Variants in CCND2 observed in about 807,000 individuals in gnomAD.
CCND2 encodes G1/S-specific cyclin-D2.
In CCND2, 6 loss-of-function variants were observed where a neutral mutation model predicts 30.2. That is an observed-to-expected ratio of 0.20 (90% CI 0.11 to 0.39). CCND2 has a LOEUF of 0.39. Ranked by LOEUF, CCND2 falls within the 10% of genes least tolerant of loss-of-function variation. The pLI, the probability that CCND2 is intolerant of heterozygous loss-of-function variation, is 1.00. For synonymous variants in CCND2, 150 were observed against 153.1 expected, an observed-to-expected ratio of 0.98 and a Z score of 0.15; for missense variants, 235 against 373.4, an observed-to-expected ratio of 0.63 and a Z score of 3.06.
At position 4,274,589 on chromosome 12, in the gene CCND2, G is replaced by C. The variant is rs1489488652; in HGVS notation, c.195+354G>C. Among the ~76,000 whole-genome samples the C allele has an allele frequency of 6.6e-6, 1 of 152,144 alleles. No homozygotes were observed. The highest frequency in any genetic ancestry group is 1.5e-5 in the Non-Finnish European group (1 of 68,020). On this transcript the variant is annotated intron_variant, in intron 1 of 4. Coordinates refer to ENST00000261254, the MANE Select transcript of CCND2 (RefSeq NM_001759.4). The surrounding 1 kb of genome is among the most constrained non-coding windows in gnomAD (Gnocchi z 7.7). ...TGCTTGCGCTGCGGCCAGGAAGAGAGTCGGGGCCTGAAATCGGGACCCCGA... is the reference window on the plus strand; with the variant it reads ...TGCTTGCGCTGCGGCCAGGAAGAGACTCGGGGCCTGAAATCGGGACCCCGA...
rs1387788807 is a variant in CCND2 at position 4,274,273 on chromosome 12, C to T, written c.195+38C>T. 7.5e-6 allele frequency: 12 copies of T among 1,598,972 alleles called. No homozygotes were observed. In the Middle Eastern group the frequency reaches 5.5e-4, roughly 73 times the overall value. On this transcript the variant is annotated intron_variant, in intron 1 of 4. Transcript: ENST00000261254. This position sits in a 1 kb window ranked among gnomAD's most constrained non-coding sequence, Gnocchi z 7.7. ...GTGGCGCTCGCCAGGAGCCAGGACC[C>T]CTCCGGATGCTCGGGTCCCCGGCCG...
intron 3 of CCND2, among the ~76,000 whole-genome samples, chr12:4,284,295 A>G (rs1168218610): frequency 1.3e-5 from 2 of 152,238 alleles, no homozygotes; most frequent in Non-Finnish European, 2.9e-5. Flanking sequence ...TTATTTGCAG[A>G]TCAGAAAATG....
rs1863875133 is a variant in CCND2, at chr12:4,276,400, G to A, written c.411+180G>A. ...TAGGAAACCACTGTTTATTTTTTGT[G>A]TGTTCCTACTATGTGCCCAGGCTCC... On this transcript the variant is annotated intron_variant, in intron 2 of 4. Coordinates refer to ENST00000261254, the MANE Select transcript of CCND2 (RefSeq NM_001759.4). The surrounding 1 kb of genome is among the most constrained non-coding windows in gnomAD (Gnocchi z 4.8). 6.6e-6 allele frequency among the ~76,000 whole-genome samples: 1 copy of A among 152,176 alleles called. No homozygotes were observed. Among genetic ancestry groups the A allele is most frequent in the African/African-American group, 2.4e-5 (1 of 41,442 alleles).
chr12:4,289,753 T>C (rs886455109), intron 4 of CCND2, among the ~76,000 whole-genome samples: 2 of 151,888 alleles, frequency 1.3e-5, no homozygotes, highest in African/African-American at 2.4e-5. Flanking sequence ...GACAGGATGG[T>C]GCCAAGAGGT....
Position 4,292,185 on chromosome 12 carries a change from A to ATATG in CCND2, c.720+3209_720+3212dup, listed in dbSNP as rs1290018544. Among the ~76,000 whole-genome samples, 10 of 152,198 alleles carry ATATG rather than the reference A, an allele frequency of 6.6e-5. 1 individual carries two copies. The South Asian group carries it at 8.3e-4, about 13-fold the overall frequency. On this transcript the variant is annotated intron_variant, in intron 4 of 4. Coordinates refer to ENST00000261254, the MANE Select transcript of CCND2 (RefSeq NM_001759.4). ...CACACATACATAAATGGATATATATATATGTATGTATGTATGTCTGAAACA... is the reference window on the plus strand; with the variant it reads ...CACACATACATAAATGGATATATATATATGTATGTATGTATGTATGTCTGAAACA...
rs935857546 is a variant in CCND2, at chr12:4,301,859, T to C, written c.*1850T>C. The C allele has an allele frequency of 4.3e-6, 1 of 232,988 alleles. No homozygotes were observed. Among genetic ancestry groups the C allele is most frequent in the Middle Eastern group, 1.3e-3 (1 of 784 alleles). 14.4% of individuals were successfully genotyped at this position (232,988 alleles called of 1,614,324 possible). ...AAGTAGATGGTTGAGATATGAGTTC[T>C]TCGTACTGGAAAAGCCCTTCCGTAG... On this transcript the variant is annotated 3_prime_UTR_variant, in exon 5 of 5. Coordinates refer to ENST00000261254, the MANE Select transcript of CCND2 (RefSeq NM_001759.4).
At chr12:4,298,349 A>G (rs1319169078) in intron 4 of CCND2, among the ~76,000 whole-genome samples, 1 of 152,220 alleles carries the variant, frequency 6.6e-6, no homozygotes, top group Admixed American at 6.5e-5. Context: ...AGAGATAGGA[A>G]AGGAAAATTT....
rs933390489 is a variant in CCND2, at chr12:4,287,743, G to T, written c.572-1099G>T. Among the ~76,000 whole-genome samples the T allele has an allele frequency of 6.6e-6, 1 of 152,352 alleles. No homozygotes were observed. Among genetic ancestry groups the T allele is most frequent in the East Asian group, 1.9e-4 (1 of 5,190 alleles). On this transcript the variant is annotated intron_variant, in intron 3 of 4. Coordinates refer to ENST00000261254, the MANE Select transcript of CCND2 (RefSeq NM_001759.4). This position sits in a 1 kb window ranked among gnomAD's most constrained non-coding sequence, Gnocchi z 4.0. ...AACAGGACGTAATGTGTAGCGTACT[G>T]CATGTGGTGGTCATTGGTAGCTGTC... is the stretch of plus-strand genomic sequence containing the variant.
At chr12:4,297,431 C>A (rs1236585006) in intron 4 of CCND2, among the ~76,000 whole-genome samples, 8 of 151,756 alleles carry the variant, frequency 5.3e-5, no homozygotes, top group Non-Finnish European at 1.0e-4. Context: ...ATCAGCTGGG[C>A]GTGGTGGCAC....
intron 3 of CCND2, among the ~76,000 whole-genome samples, chr12:4,288,055 T>C (rs1420944867): frequency 6.6e-6 from 1 of 152,136 alleles, no homozygotes; most frequent in Non-Finnish European, 1.5e-5. Context: ...ACCCATCTGA[T>C]TCGGATGCAA....
In CCND2 at chr12:4,276,626, C is replaced by T. The variant is rs1863877897; in HGVS notation, c.411+406C>T. On this transcript the variant is annotated intron_variant, in intron 2 of 4. Coordinates refer to ENST00000261254, the MANE Select transcript of CCND2 (RefSeq NM_001759.4). This position sits in a 1 kb window ranked among gnomAD's most constrained non-coding sequence, Gnocchi z 4.8. ...CATGATAGGTATGTGGCTGTGGTGTCTCCTAAAAACTTGGAGTTCAAAGGT... is the reference window on the plus strand; with the variant it reads ...CATGATAGGTATGTGGCTGTGGTGTTTCCTAAAAACTTGGAGTTCAAAGGT... 6.6e-6 allele frequency among the ~76,000 whole-genome samples: 1 copy of T among 152,172 alleles called. No homozygotes were observed. Among genetic ancestry groups the T allele is most frequent in the East Asian group, 1.9e-4 (1 of 5,204 alleles).
chr12:4,274,761 G>A lies in CCND2; in HGVS notation c.195+526G>A, dbSNP rs1863841488. On this transcript the variant is annotated intron_variant, in intron 1 of 4. Coordinates refer to ENST00000261254, the MANE Select transcript of CCND2 (RefSeq NM_001759.4). The surrounding 1 kb of genome is among the most constrained non-coding windows in gnomAD (Gnocchi z 7.7). The stretch of plus-strand genomic sequence containing the variant: ...AGAAACGGGGAATTCGGGAGCCCCG[G>A]AAGTCCCATTGAAGAAACGCGTGTT... Among the ~76,000 whole-genome samples, 1 of 152,192 alleles carries A rather than the reference G, an allele frequency of 6.6e-6. No individual in the cohort carries two copies. Among genetic ancestry groups the A allele is most frequent in the Non-Finnish European group, 1.5e-5 (1 of 68,036 alleles).
At chr12:4,290,935 CA>C (rs1293427175) in intron 4 of CCND2, among the ~76,000 whole-genome samples, 1 of 152,176 alleles carries the variant, frequency 6.6e-6, no homozygotes, top group Non-Finnish European at 1.5e-5. Flanking sequence ...AACTGTTGGT[CA>C]AGTTGATACC....
In CCND2 at chr12:4,299,430, C is replaced by T. The variant is rs1189197861; in HGVS notation, c.721-430C>T. Among the ~76,000 whole-genome samples the T allele has an allele frequency of 6.6e-6, 1 of 152,166 alleles. No individual in the cohort carries two copies. Among genetic ancestry groups the T allele is most frequent in the African/African-American group, 2.4e-5 (1 of 41,442 alleles). On this transcript the variant is annotated intron_variant, in intron 4 of 4. Coordinates refer to ENST00000261254, the MANE Select transcript of CCND2 (RefSeq NM_001759.4). The surrounding 1 kb of genome is among the most constrained non-coding windows in gnomAD (Gnocchi z 5.2). The stretch of plus-strand genomic sequence containing the variant: ...TTATCTAGTTCTCGGGCTGAGTTTG[C>T]TAATGTCATAGCACTTCTAGTAGCC...
In CCND2 at chr12:4,284,603, G is replaced by T. The variant is rs555405072; in HGVS notation, c.572-4239G>T. On this transcript the variant is annotated intron_variant, in intron 3 of 4. Coordinates refer to ENST00000261254, the MANE Select transcript of CCND2 (RefSeq NM_001759.4). Reference sequence around the variant, plus strand: ...CAGGAGTGGAGGCTGCCCAAGCTCCGTGCACTCCACGTTCCAGCTTGGAGC... The same window carrying T: ...CAGGAGTGGAGGCTGCCCAAGCTCCTTGCACTCCACGTTCCAGCTTGGAGC... Among the ~76,000 whole-genome samples the T allele has an allele frequency of 2.0e-5, 3 of 152,240 alleles. No individual in the cohort carries two copies. In the South Asian group the frequency reaches 6.2e-4, roughly 32 times the overall value.
At position 4,282,410 on chromosome 12, in the gene CCND2, C is replaced by T. The variant is rs1863961638; in HGVS notation, c.571+3491C>T. ...ACCCATTGTGCTGTCCTAGCCCCTT[C>T]CCTGGCTTTACCTACAGGTGTTCCC... On this transcript the variant is annotated intron_variant, in intron 3 of 4. Transcript: ENST00000261254. The surrounding 1 kb of genome is among the most constrained non-coding windows in gnomAD (Gnocchi z 4.3). 6.6e-6 allele frequency among the ~76,000 whole-genome samples: 1 copy of T among 152,228 alleles called. No homozygotes were observed. The highest frequency in any genetic ancestry group is 2.1e-4 in the South Asian group (1 of 4,836).
In CCND2 at chr12:4,301,608, T is replaced by G. The variant is rs1437021732; in HGVS notation, c.*1599T>G. On this transcript the variant is annotated 3_prime_UTR_variant, in exon 5 of 5. Transcript: ENST00000261254. ...TATTTTATACACAGATTCTGCCTTG[T>G]TTCATAGTATGAGGGTTGAAGACGG... is the stretch of plus-strand genomic sequence containing the variant. 4.3e-6 allele frequency: 1 copy of G among 231,300 alleles called. No homozygotes were observed. Among genetic ancestry groups the G allele is most frequent in the Admixed American group, 5.6e-5 (1 of 17,716 alleles). The allele number at this position is 231,300 out of a possible 1,614,324, so 14.3% of individuals were successfully genotyped here. A position where few individuals can be genotyped will look rare whatever the true frequency, so the allele number is the denominator to read the frequency against.
chr12:4,286,981 G>C (rs1365944515), intron 3 of CCND2, among the ~76,000 whole-genome samples: 1 of 152,240 alleles, frequency 6.6e-6, no homozygotes, highest in African/African-American at 2.4e-5. Flanking sequence ...ACAGGGGGGA[G>C]CTAACGAGGT....
chr12:4,278,640 T>C (rs1175324497), intron 2 of CCND2, 120 bp from the exon 3 acceptor site: 1 of 891,104 alleles, frequency 1.1e-6, no homozygotes, highest in Non-Finnish European at 1.7e-6. Context: ...CCTTACAATC[T>C]AGCAGCCACG....
Sources: gnomAD v4.1 joint callset for allele counts (sites outside exome capture counted in the v4.1 genomes callset) on GRCh38, gnomAD v4.1.1 for gene constraint, Gnocchi (gnomAD v3.1) non-coding constraint, MANE v1.5 for transcripts, NCBI Gene and HGNC (gene_info 2026-07-23, HGNC 2026-07-21) for gene names.